ITGB7: variants seen among roughly 807,000 people sequenced by gnomAD.
ITGB7 encodes the protein integrin beta-7.
In ITGB7, 55 loss-of-function variants were observed where a neutral mutation model predicts 83.4. The ratio of observed to expected loss-of-function variants is 0.66; its 90% CI spans 0.53 to 0.83. The LOEUF (loss-of-function observed/expected upper bound fraction) is 0.83. ITGB7 is among the 40% of genes least tolerant of loss of function. ITGB7 has a pLI of 0.00. For missense variants in ITGB7, 921 were observed against 1,046.7 expected (o/e 0.88, Z 1.66); for synonymous variants, 454 against 423.6 (o/e 1.07, Z -0.88).
chr12:53,191,588 G>A lies in ITGB7; in HGVS notation c.2365C>T (p.Arg789Cys), dbSNP rs141610554. The change falls in exon 16 of 16, where the codon CGC becomes TGC. Residue 789 changes from arginine (R) to cysteine (C), a missense_variant. Arg to Cys is a radical substitution (Grantham distance 180). Coordinates refer to ENST00000267082, the MANE Select transcript of ITGB7 (RefSeq NM_000889.3). ...KSAITTTINPRFQEADSPTL is the reference protein window; with the variant it reads ...KSAITTTINPCFQEADSPTL ...GTGGGACTGTCTGCCTCTTGAAAGC[G>A]AGGATTGATGGTGGTCGTGATGGCA... 1,901 of 1,613,724 alleles carry A rather than the reference G, an allele frequency of 1.2e-3. 1 individual carries two copies. The highest frequency in any genetic ancestry group is 1.5e-3 in the Non-Finnish European group (1,815 of 1,179,722).
intron 1 of ITGB7, among the ~76,000 whole-genome samples, chr12:53,203,647 CAAAA>C (rs1158624130): frequency 7.8e-5 from 4 of 51,060 alleles, no homozygotes; most frequent in East Asian, 7.5e-4. Context: ...GACCCTGTCT[CAAAA>C]AAAAAAAAAA....
intron 3 of ITGB7, among the ~76,000 whole-genome samples, chr12:53,199,853 G>A (rs751144190): frequency 6.6e-5 from 10 of 152,170 alleles, no homozygotes; most frequent in Middle Eastern, 6.8e-3. Context: ...CCAGCTTATG[G>A]TATTTTGTTA....
At position 53,191,576 on chromosome 12, in the gene ITGB7, C is replaced by T. The variant is rs1941944933; in HGVS notation, c.2377G>A (p.Ala793Thr). The T allele has an allele frequency of 6.2e-7, 1 of 1,613,146 alleles. No homozygotes were observed. Among genetic ancestry groups the T allele is most frequent in the Non-Finnish European group, 8.5e-7 (1 of 1,179,106 alleles). The change falls in exon 16 of 16, where the codon GCA (alanine) becomes ACA (threonine). Residue 793 changes from alanine (A) to threonine (T), a missense_variant. Coordinates refer to ENST00000267082, the MANE Select transcript of ITGB7 (RefSeq NM_000889.3). ...TTTINPRFQE[A>T]DSPTL ...CTCCTTCAGAGAGTGGGACTGTCTGCCTCTTGAAAGCGAGGATTGATGGTG... is the reference window on the plus strand; with the variant it reads ...CTCCTTCAGAGAGTGGGACTGTCTGTCTCTTGAAAGCGAGGATTGATGGTG...
intron 3 of ITGB7, among the ~76,000 whole-genome samples, chr12:53,198,470 T>G (rs1267786918): frequency 6.6e-6 from 1 of 151,874 alleles, no homozygotes; most frequent in Non-Finnish European, 1.5e-5. Flanking sequence ...TGCCCAGTCT[T>G]GTTTCGAACT....
At chr12:53,200,065 C>T (rs966097374) in intron 3 of ITGB7, among the ~76,000 whole-genome samples, 178 bp downstream of exon 3, 2 of 152,222 alleles carry the variant, frequency 1.3e-5, no homozygotes, top group South Asian at 2.1e-4. Flanking sequence ...TATGCACACA[C>T]GTATATCCAC....
intron 1 of ITGB7, among the ~76,000 whole-genome samples, chr12:53,203,213 C>T (rs180678202): frequency 6.6e-6 from 1 of 152,258 alleles, no homozygotes; most frequent in Admixed American, 6.5e-5. Context: ...CGAACTCTTA[C>T]AATTCAACAA....
intron 1 of ITGB7, among the ~76,000 whole-genome samples, chr12:53,201,524 G>A (rs1161084262): frequency 6.6e-6 from 1 of 152,134 alleles, no homozygotes; most frequent in Non-Finnish European, 1.5e-5. Flanking sequence ...AATACCTTGA[G>A]TGACCTTCAG....
intron 6 of ITGB7, 87 bp downstream of exon 6, chr12:53,196,492 C>T: frequency 6.7e-7 from 1 of 1,496,592 alleles, no homozygotes; most frequent in African/African-American, 1.4e-5. Context: ...GAATGGCACC[C>T]CCTAGAACTG....
At chr12:53,200,479 C>T in intron 2 of ITGB7, 33 bp from the exon 3 acceptor site, 6 of 1,587,090 alleles carry the variant, frequency 3.8e-6, no homozygotes, top group Non-Finnish European at 4.3e-6. Flanking sequence ...ACATGTGGGT[C>T]CTCAGGGAGG....
At position 53,191,541 on chromosome 12, in the gene ITGB7, G is replaced by A; in HGVS notation, c.*15C>T. 6.3e-7 allele frequency: 1 copy of A among 1,594,094 alleles called. No homozygotes were observed. The highest frequency in any genetic ancestry group is 1.3e-5 in the African/African-American group (1 of 74,616). Reference sequence around the variant, plus strand: ...CTCCAAGGAGAAGAGCCTTGGGTAAGTGTCCCTCCCTCCTTCAGAGAGTGG... The same window carrying A: ...CTCCAAGGAGAAGAGCCTTGGGTAAATGTCCCTCCCTCCTTCAGAGAGTGG... On this transcript the variant is annotated 3_prime_UTR_variant, in exon 16 of 16. Coordinates refer to ENST00000267082, the MANE Select transcript of ITGB7 (RefSeq NM_000889.3).
At chr12:53,205,013 CAG>C (rs943609247) in intron 1 of ITGB7, among the ~76,000 whole-genome samples, 3 of 151,656 alleles carry the variant, frequency 2.0e-5, no homozygotes, top group African/African-American at 7.3e-5. Flanking sequence ...TTAGTAGAGA[CAG>C]AGTTTCACTA....
chr12:53,197,807 G>T lies in ITGB7; in HGVS notation c.346C>A (p.Arg116Ser), dbSNP rs1250047256. The T allele has an allele frequency of 1.3e-6, 2 of 1,541,304 alleles. No individual in the cohort carries two copies. Among genetic ancestry groups the T allele is most frequent in the East Asian group, 2.4e-5 (1 of 41,086 alleles). The part of the protein sequence containing the change: ...LQDQPLSQGA[R>S]GEGATQLAPQ... ...GCCAGCTGGGTGGCACCCTCTCCGC[G>T]GGCGCCCTGGCTGAGCGGCTGGTCC... The change falls in exon 4 of 16, where the codon CGC becomes AGC. Residue 116 changes from arginine to serine, a missense_variant. Transcript: ENST00000267082.
chr12:53,197,675 G>T lies in ITGB7; in HGVS notation c.404-12C>A. 1 of 1,612,472 alleles carries T rather than the reference G, an allele frequency of 6.2e-7. No individual in the cohort carries two copies. The highest frequency in any genetic ancestry group is 2.2e-5 in the East Asian group (1 of 44,820). On this transcript the variant is annotated splice_polypyrimidine_tract_variant and intron_variant, in intron 4 of 15. Coordinates refer to ENST00000267082, the MANE Select transcript of ITGB7 (RefSeq NM_000889.3). ...CTGCTGGGGCTCCCCTAGGGGGTGG[G>T]CGGCGGGCGGGTCAGCAGAGCGCAT...
In ITGB7 at chr12:53,197,888, G is replaced by T. The variant is rs1159866336; in HGVS notation, c.265C>A (p.Arg89=). Residue 89 remains arginine, a synonymous_variant, in exon 4 of 16, where the codon CGA becomes AGA. Coordinates refer to ENST00000267082, the MANE Select transcript of ITGB7 (RefSeq NM_000889.3). ...RCARREELLA[R]GCPLEELEEP... ...TCCAGCTCCTCCAGCGGGCAGCCTC[G>T]AGCCAGCAGCTCCTCTCGTCGGGCG... The T allele has an allele frequency of 1.9e-6, 3 of 1,539,182 alleles. No individual in the cohort carries two copies. The South Asian group carries it at 3.6e-5, about 18-fold the overall frequency.
rs780450937 is a variant in ITGB7 at position 53,195,408 on chromosome 12, C to T, written c.1127G>A (p.Ser376Asn). 3.1e-6 allele frequency: 5 copies of T among 1,613,800 alleles called. No individual in the cohort carries two copies. In the East Asian group the frequency reaches 8.9e-5, roughly 29 times the overall value. ...SAVGELSEDS[S>N]NVVQLIMDAY... ...ATCCATGATGAGCTGTACCACGTTG[C>T]TGGAGTCCTCACTCAGCTCCCCAAC... Residue 376 changes from serine to asparagine, a missense_variant, in exon 9 of 16, where the codon AGC (serine) becomes AAC (asparagine). Ser to Asn is a conservative substitution (Grantham distance 46). Transcript: ENST00000267082.
rs1592409463 is a variant in ITGB7 at position 53,200,125 on chromosome 12, T to G, written c.201+118A>C. ...CTCAGTCACACATGAGACTGTGGAG[T>G]GTTCCCAGAAAATCATACATGTGCC... On this transcript the variant is annotated intron_variant, in intron 3 of 15. Coordinates refer to ENST00000267082, the MANE Select transcript of ITGB7 (RefSeq NM_000889.3). The G allele has an allele frequency of 1.5e-5, 13 of 852,466 alleles. No homozygotes were observed. In the East Asian group the frequency reaches 3.2e-4, roughly 21 times the overall value. The allele number at this position is 852,466 out of a possible 1,614,324, so 52.8% of individuals were successfully genotyped here. A position where few individuals can be genotyped will look rare whatever the true frequency, so the allele number is the denominator to read the frequency against.
In ITGB7 at chr12:53,197,926, T is replaced by C; in HGVS notation, c.227A>G (p.Glu76Gly). The stretch of plus-strand genomic sequence containing the variant: ...CTCTCGTCGGGCGCAGCGCCGCGCC[T>C]CCGCCTCTCCCGACGCGGTGAAGTT... ...QLNFTASGEA[E>G]ARRCARREEL... The change falls in exon 4 of 16, where the codon GAG becomes GGG. Residue 76 changes from glutamate (E) to glycine (G), a missense_variant. By Grantham distance (98) the Glu-to-Gly change is moderately conservative. Transcript: ENST00000267082. 1 of 1,542,734 alleles carries C rather than the reference T, an allele frequency of 6.5e-7. No individual in the cohort carries two copies. The highest frequency in any genetic ancestry group is 8.7e-7 in the Non-Finnish European group (1 of 1,152,018).
At chr12:53,192,288 C>T in intron 14 of ITGB7, 42 bp downstream of exon 14, 2 of 1,582,514 alleles carry the variant, frequency 1.3e-6, no homozygotes, top group African/African-American at 1.3e-5. Context: ...TGAGACCCTG[C>T]CCATCAAACT....
chr12:53,192,932 G>T, intron 12 of ITGB7, 22 bp from the exon 13 acceptor site: 1 of 1,608,070 alleles, frequency 6.2e-7, no homozygotes, highest in Non-Finnish European at 8.5e-7. Flanking sequence ...CCATGCAGAG[G>T]GTGACAACCA....
Sources: gnomAD v4.1 joint callset for allele counts (sites outside exome capture counted in the v4.1 genomes callset) on GRCh38, gnomAD v4.1.1 for gene constraint, MANE v1.5 for transcripts, NCBI Gene and HGNC (gene_info 2026-07-23, HGNC 2026-07-21) for gene names.